The following HECW2 variants were observed in gnomAD, a reference collection of about 807,000 sequenced individuals.
HECW2 encodes the protein HECT, C2 and WW domain containing E3 ubiquitin protein ligase 2, also known as E3 ubiquitin-protein ligase HECW2.
In HECW2, 61 loss-of-function variants were observed where a neutral mutation model predicts 175.2. That is an observed-to-expected ratio of 0.35 (90% CI 0.28 to 0.43). The LOEUF (loss-of-function observed/expected upper bound fraction) is 0.43. Ranked by LOEUF, HECW2 falls within the 20% of genes least tolerant of loss-of-function variation. The pLI, the probability that HECW2 is intolerant of heterozygous loss-of-function variation, is 1.00. For synonymous variants in HECW2, 671 were observed against 731.0 expected, an observed-to-expected ratio of 0.92 and a Z score of 1.32; for missense variants, 1,524 against 2,000.5, an observed-to-expected ratio of 0.76 and a Z score of 4.54.
intron 1 of HECW2, among the ~76,000 whole-genome samples, chr2:196,504,039 T>C (rs1687664356): frequency 6.6e-6 from 1 of 152,078 alleles, no homozygotes; most frequent in African/African-American, 2.4e-5. Context: ...CTCATGCCTG[T>C]AATCCCAGCA....
intron 9 of HECW2, 65 bp from the exon 10 acceptor site, chr2:196,317,434 A>G (rs1575405747): frequency 9.8e-6 from 11 of 1,123,438 alleles, no homozygotes; most frequent in Admixed American, 2.0e-5. Flanking sequence ...CAGACTCTAT[A>G]CAAAAAACCT....
chr2:196,469,120 C>CGTGTGTGTGTGTGTGTGTGT (rs33984882), intron 1 of HECW2, among the ~76,000 whole-genome samples: 1 of 144,740 alleles, frequency 6.9e-6, no homozygotes, highest in Non-Finnish European at 1.5e-5. Flanking sequence ...TGTGTGTGTG[C>CGTGTGTGTGTGTGTGTGTGT]GTGTGTGTGT....
At chr2:196,248,671 AAAG>A (rs1267287509) in intron 19 of HECW2, among the ~76,000 whole-genome samples, 4 of 151,022 alleles carry the variant, frequency 2.6e-5, no homozygotes, top group Non-Finnish European at 5.9e-5. Context: ...GGAAGGAAGA[AAAG>A]GAGAGAGAGA....
intron 2 of HECW2, among the ~76,000 whole-genome samples, chr2:196,387,800 T>C (rs1189000258): frequency 6.6e-6 from 1 of 152,176 alleles, no homozygotes; most frequent in Non-Finnish European, 1.5e-5. Context: ...GTGAGTGATG[T>C]AGGTAAGAAA....
At chr2:196,561,941 A>T (rs992424989) in intron 1 of HECW2, among the ~76,000 whole-genome samples, 1 of 152,248 alleles carries the variant, frequency 6.6e-6, no homozygotes, top group Non-Finnish European at 1.5e-5. Context: ...GGCAATCAGT[A>T]GAAAACAGCA....
intron 1 of HECW2, among the ~76,000 whole-genome samples, chr2:196,460,324 T>C (rs919782755): frequency 1.3e-5 from 2 of 151,984 alleles, no homozygotes; most frequent in Non-Finnish European, 2.9e-5. Flanking sequence ...TATTCGACTT[T>C]CCTCCTAAAG....
At chr2:196,490,187 TTTTA>T (rs1403770222) in intron 1 of HECW2, among the ~76,000 whole-genome samples, 1 of 152,166 alleles carries the variant, frequency 6.6e-6, no homozygotes, top group African/African-American at 2.4e-5. Context: ...TTGGGAAGGA[TTTTA>T]TTTAACTACA....
intron 1 of HECW2, among the ~76,000 whole-genome samples, chr2:196,539,448 T>C (rs1327567775): frequency 1.3e-5 from 2 of 152,088 alleles, no homozygotes; most frequent in Non-Finnish European, 2.9e-5. Context: ...CTGGCTAACA[T>C]GGTGAAACCC....
intron 2 of HECW2, among the ~76,000 whole-genome samples, chr2:196,427,346 G>A (rs1315843979): frequency 2.0e-5 from 3 of 152,062 alleles, no homozygotes; most frequent in East Asian, 3.8e-4. Flanking sequence ...GTGCACTTTC[G>A]TAGTTCTGTT....
intron 2 of HECW2, among the ~76,000 whole-genome samples, chr2:196,382,684 T>A (rs1694241021): frequency 1.3e-5 from 2 of 151,984 alleles, no homozygotes; most frequent in African/African-American, 4.8e-5. Context: ...ATACGTGCCC[T>A]ACTTTGTCTT....
chr2:196,371,193 A>T (rs1460433726), intron 2 of HECW2, among the ~76,000 whole-genome samples: 1 of 152,206 alleles, frequency 6.6e-6, no homozygotes, highest in Non-Finnish European at 1.5e-5. Flanking sequence ...CTAACAGACA[A>T]TGGTGTAGAG....
chr2:196,571,530 G>A (rs191103229), intron 1 of HECW2, among the ~76,000 whole-genome samples: 6 of 152,126 alleles, frequency 3.9e-5, no homozygotes, highest in Admixed American at 2.0e-4. Flanking sequence ...CCAACATGGT[G>A]AAACCCCAAG....
At chr2:196,436,319 T>G (rs963151454) in intron 1 of HECW2, among the ~76,000 whole-genome samples, 1 of 146,550 alleles carries the variant, frequency 6.8e-6, no homozygotes, top group Non-Finnish European at 1.5e-5. Context: ...GAGAATGGCA[T>G]GAACCCAGGA....
chr2:196,295,967 T>G (rs1349190193), intron 13 of HECW2, among the ~76,000 whole-genome samples: 1 of 152,214 alleles, frequency 6.6e-6, no homozygotes, highest in Non-Finnish European at 1.5e-5. Flanking sequence ...GTAAACAATC[T>G]TTAGATCCAC....
chr2:196,565,459 T>C (rs1281429051), intron 1 of HECW2, among the ~76,000 whole-genome samples: 1 of 152,220 alleles, frequency 6.6e-6, no homozygotes, highest in East Asian at 1.9e-4. Context: ...TGTTTTCCCA[T>C]ATGTCCTTTG....
intron 1 of HECW2, among the ~76,000 whole-genome samples, chr2:196,550,924 C>A (rs571847507): frequency 6.6e-6 from 1 of 152,132 alleles, no homozygotes; most frequent in East Asian, 1.9e-4. Flanking sequence ...ACTTTAGTTA[C>A]AACCAAGAAA....
intron 1 of HECW2, among the ~76,000 whole-genome samples, chr2:196,473,353 C>T (rs548794044): frequency 6.6e-6 from 1 of 152,260 alleles, no homozygotes; most frequent in Non-Finnish European, 1.5e-5. Flanking sequence ...ATAACAGACA[C>T]AAATCTAAAT....
Position 196,325,164 on chromosome 2 carries a change from G to A in HECW2, c.572-15C>T. 6.4e-7 allele frequency: 1 copy of A among 1,555,052 alleles called. No homozygotes were observed. Among genetic ancestry groups the A allele is most frequent in the Non-Finnish European group, 8.7e-7 (1 of 1,150,418 alleles). ...TGCCCTAAGATCTTTAAAGAAAGAG[G>A]GAGAAGGAGGGAGGGACAAAGAGAA... On this transcript the variant is annotated splice_polypyrimidine_tract_variant and intron_variant, in intron 5 of 28. Coordinates refer to ENST00000644978, the MANE Select transcript of HECW2 (RefSeq NM_001348768.2).
At chr2:196,332,211 G>T (rs1484540884) in intron 4 of HECW2, among the ~76,000 whole-genome samples, 1 of 152,036 alleles carries the variant, frequency 6.6e-6, no homozygotes, top group Non-Finnish European at 1.5e-5. Flanking sequence ...CATCTTCCAG[G>T]TCTATTCTTT....
Sources: allele counts gnomAD v4.1 joint callset (sites outside exome capture counted in the v4.1 genomes callset), GRCh38; gene constraint gnomAD v4.1.1; transcripts MANE v1.5; gene names NCBI Gene and HGNC (gene_info 2026-07-23, HGNC 2026-07-21).